Variants in BMP5 observed in about 807,000 individuals in gnomAD.
The protein encoded by BMP5 is bone morphogenetic protein 5.
Under a neutral mutation model 46.6 loss-of-function variants are expected in BMP5, and 23 were observed. That is an observed-to-expected ratio of 0.49 (90% CI 0.35 to 0.70). The LOEUF (loss-of-function observed/expected upper bound fraction) is 0.70. BMP5 is among the 30% of genes least tolerant of loss of function. BMP5 has a pLI of 0.00. For missense variants in BMP5, 545 were observed against 565.6 expected (o/e 0.96, Z 0.37); for synonymous variants, 204 against 191.9 (o/e 1.06, Z -0.52).
chr6:55,813,344 C>T (rs1043448025), intron 2 of BMP5, among the ~76,000 whole-genome samples: 2 of 151,902 alleles, frequency 1.3e-5, no homozygotes, highest in Non-Finnish European at 2.9e-5. Context: ...AAATTACCCA[C>T]AGCCTGCAAT....
chr6:55,850,372 A>AGAT (rs1165878993), intron 1 of BMP5, among the ~76,000 whole-genome samples: 11 of 148,868 alleles, frequency 7.4e-5, no homozygotes, highest in African/African-American at 2.1e-4. Flanking sequence ...ATAGATAGAT[A>AGAT]GATAGATAGA....
chr6:55,852,864 G>C (rs926565047), intron 1 of BMP5, among the ~76,000 whole-genome samples: 2 of 152,074 alleles, frequency 1.3e-5, no homozygotes, highest in Admixed American at 1.3e-4. Flanking sequence ...AGGCGCGGAG[G>C]CTCACGCCTG....
chr6:55,807,666 TC>T (rs2127533935), intron 2 of BMP5, among the ~76,000 whole-genome samples: 1 of 152,296 alleles, frequency 6.6e-6, no homozygotes, highest in South Asian at 2.1e-4. Flanking sequence ...TCTGGTAGAA[TC>T]CGGCTGTTAA....
chr6:55,808,888 C>T (rs1182958665), intron 2 of BMP5, among the ~76,000 whole-genome samples: 7 of 152,140 alleles, frequency 4.6e-5, no homozygotes, highest in South Asian at 4.2e-4. Context: ...AGCCTCCTAT[C>T]GCTACTGCTT....
intron 5 of BMP5, 72 bp downstream of exon 5, chr6:55,760,385 C>T: frequency 7.1e-7 from 1 of 1,404,308 alleles, no homozygotes; most frequent in South Asian, 1.2e-5. Flanking sequence ...AAATTACTGC[C>T]AAAGACTATG....
intron 3 of BMP5, among the ~76,000 whole-genome samples, chr6:55,785,469 G>A (rs1775424903): frequency 6.6e-6 from 1 of 151,774 alleles, no homozygotes. Context: ...AAAGCATACA[G>A]GGAAGATTTA....
In BMP5 at chr6:55,874,971, A is replaced by T; in HGVS notation, c.-106T>A. 3 of 1,330,042 alleles carry T rather than the reference A, an allele frequency of 2.3e-6. No individual in the cohort carries two copies. Among genetic ancestry groups the T allele is most frequent in the Non-Finnish European group, 3.1e-6 (3 of 958,916 alleles). 82.4% of individuals were successfully genotyped at this position (1,330,042 alleles called of 1,614,324 possible). A position where few individuals can be genotyped will look rare whatever the true frequency, so the allele number is the denominator to read the frequency against. On this transcript the variant is annotated 5_prime_UTR_variant, in exon 1 of 7. Coordinates refer to ENST00000370830, the MANE Select transcript of BMP5 (RefSeq NM_021073.4). ...ACAGTTTCCCAGTAGCTGAAAAAAC[A>T]AATTTACCTATTTTTCATGACAGTG...
intron 1 of BMP5, among the ~76,000 whole-genome samples, chr6:55,868,178 T>TATATTCA (rs1777695113): frequency 1.3e-5 from 2 of 152,222 alleles, no homozygotes; most frequent in Non-Finnish European, 2.9e-5. Context: ...GTTATAGTCC[T>TATATTCA]GAATAAAATC....
intron 4 of BMP5, among the ~76,000 whole-genome samples, chr6:55,761,482 C>CTATT (rs1156487072): frequency 6.6e-6 from 1 of 151,910 alleles, no homozygotes; most frequent in Non-Finnish European, 1.5e-5. Flanking sequence ...TCATTTGATC[C>CTATT]TATTACCCCT....
chr6:55,785,716 T>G (rs1361620005), intron 3 of BMP5, among the ~76,000 whole-genome samples: 3 of 151,654 alleles, frequency 2.0e-5, no homozygotes, highest in Non-Finnish European at 4.4e-5. Flanking sequence ...AGCCACATCT[T>G]TTAAATATTT....
chr6:55,773,155 A>G (rs1775086607), intron 4 of BMP5, among the ~76,000 whole-genome samples: 1 of 151,970 alleles, frequency 6.6e-6, no homozygotes, highest in South Asian at 2.1e-4. Flanking sequence ...GCAGAGTGCT[A>G]TGCATAAATT....
At chr6:55,800,053 C>A (rs1037304709) in intron 2 of BMP5, among the ~76,000 whole-genome samples, 8 of 152,170 alleles carry the variant, frequency 5.3e-5, no homozygotes, top group Non-Finnish European at 1.2e-4. Flanking sequence ...CATGTATACA[C>A]ACACACACAA....
At chr6:55,768,473 C>T (rs921980007) in intron 4 of BMP5, among the ~76,000 whole-genome samples, 9 of 151,836 alleles carry the variant, frequency 5.9e-5, no homozygotes, top group African/African-American at 1.9e-4. Flanking sequence ...GATGAGTTTG[C>T]CCAGCTGTAG....
chr6:55,860,166 T>C (rs1482642192), intron 1 of BMP5, among the ~76,000 whole-genome samples: 1 of 152,106 alleles, frequency 6.6e-6, no homozygotes, highest in Non-Finnish European at 1.5e-5. Context: ...TCCCAGGTGC[T>C]TGGGAGCCTG....
intron 1 of BMP5, among the ~76,000 whole-genome samples, chr6:55,839,142 G>C (rs1050685828): frequency 6.6e-6 from 1 of 151,922 alleles, no homozygotes; most frequent in Non-Finnish European, 1.5e-5. Context: ...AACATACCTA[G>C]ATTGCATAAG....
chr6:55,769,056 A>G (rs1371940978), intron 4 of BMP5, among the ~76,000 whole-genome samples: 1 of 151,966 alleles, frequency 6.6e-6, no homozygotes, highest in East Asian at 1.9e-4. Context: ...TTTTGCTAGT[A>G]AAGGGTCTTG....
intron 1 of BMP5, among the ~76,000 whole-genome samples, chr6:55,841,759 T>C (rs910898057): frequency 3.3e-5 from 5 of 152,162 alleles, no homozygotes; most frequent in African/African-American, 7.2e-5. Flanking sequence ...ATTAGCTCAG[T>C]TGAATTATGT....
chr6:55,804,234 C>T lies in BMP5; in HGVS notation c.684-9807G>A, dbSNP rs151066867. 4.2e-3 allele frequency among the ~76,000 whole-genome samples: 636 copies of T among 152,134 alleles called. 2 individuals are homozygous for T. Among genetic ancestry groups the T allele is most frequent in the Admixed American group, 0.013 (196 of 15,284 alleles). On this transcript the variant is annotated intron_variant, in intron 2 of 6. Coordinates refer to ENST00000370830, the MANE Select transcript of BMP5 (RefSeq NM_021073.4). ...TGAGGTAAGCCATATTTCAATATAA[C>T]CAGTATCCTTATAAGAAGAAGAGGA...
chr6:55,786,808 T>C (rs1775461373), intron 3 of BMP5, among the ~76,000 whole-genome samples: 1 of 151,670 alleles, frequency 6.6e-6, no homozygotes, highest in East Asian at 1.9e-4. Flanking sequence ...AGATACTCTC[T>C]CATTTGTTTA....
Sources: allele counts gnomAD v4.1 joint callset (sites outside exome capture counted in the v4.1 genomes callset), GRCh38; gene constraint gnomAD v4.1.1; transcripts MANE v1.5; gene names NCBI Gene and HGNC (gene_info 2026-07-23, HGNC 2026-07-21).